Variants in PCID2 observed in about 807,000 individuals in gnomAD.
PCID2 encodes the protein PCI domain containing 2.
PCID2 carries 41 observed loss-of-function variants against 61.3 expected under a neutral mutation model. The observed-to-expected ratio is 0.67, with a 90% CI of 0.52 to 0.87. The LOEUF (loss-of-function observed/expected upper bound fraction) is 0.87, where lower values mean the gene tolerates loss of function less well. Among genes scored for constraint, PCID2 ranks in the 40% least tolerant of loss-of-function variants. The probability of loss-of-function intolerance (pLI) is 0.00; values close to 1 mark genes in which losing one functional copy is unlikely to be tolerated. For synonymous variants in PCID2, 187 were observed against 177.8 expected, an observed-to-expected ratio of 1.05 and a Z score of -0.41; for missense variants, 392 against 493.4, an observed-to-expected ratio of 0.79 and a Z score of 1.95.
intron 7 of PCID2, chr13:113,187,200 G>C (rs1326243166): frequency 6.6e-6 from 1 of 152,184 alleles, no homozygotes; most frequent in East Asian, 1.9e-4. Context: ...CGTAACTCAC[G>C]TAAAACGCTA....
At chr13:113,173,898 T>C (rs2037152213), downstream of PCID2, among the ~76,000 whole-genome samples, 1 of 152,134 alleles carries the variant, frequency 6.6e-6, no homozygotes, top group Non-Finnish European at 1.5e-5. Context: ...GTACTTCTAT[T>C]ACAAATTTGG....
chr13:113,198,132 C>A, intron 3 of PCID2, 59 bp downstream of exon 3: 1 of 1,122,554 alleles, frequency 8.9e-7, no homozygotes, highest in Admixed American at 2.2e-5. Context: ...AAGATAAAAT[C>A]CCCAGTTAAT....
At chr13:113,197,425 G>A (rs192217711) in intron 3 of PCID2, among the ~76,000 whole-genome samples, 182 bp from the exon 4 acceptor site, 4 of 152,342 alleles carry the variant, frequency 2.6e-5, no homozygotes, top group Admixed American at 2.6e-4. Flanking sequence ...AGTAAGCTTG[G>A]AGACTACTCT....
intron 9 of PCID2, chr13:113,183,730 T>C (rs940438553): frequency 8.1e-6 from 8 of 982,404 alleles, no homozygotes; most frequent in Non-Finnish European, 9.7e-6. Flanking sequence ...AATGATGCCG[T>C]GACAGCCGAT....
At position 113,195,022 on chromosome 13, in the gene PCID2, G is replaced by C. The variant is rs759838270; in HGVS notation, c.363+49C>G. ...ATGACATGAAATTAAACAACAGATA[G>C]TCACCAAGTTTTAGTTTTAAAATAA... On this transcript the variant is annotated intron_variant, in intron 6 of 13. Transcript: ENST00000337344. The C allele has an allele frequency of 4.0e-6, 5 of 1,263,996 alleles. No homozygotes were observed. In the African/African-American group the frequency reaches 4.4e-5, roughly 11 times the overall value. The allele number at this position is 1,263,996 out of a possible 1,614,324, so 78.3% of individuals were successfully genotyped here. A position where few individuals can be genotyped will look rare whatever the true frequency, so the allele number is the denominator to read the frequency against.
chr13:113,191,026 T>C, intron 6 of PCID2, 51 bp from the exon 7 acceptor site: 1 of 1,394,722 alleles, frequency 7.2e-7, no homozygotes, highest in South Asian at 1.2e-5. Flanking sequence ...AAGATCTTGC[T>C]GTGTCGTCCA....
At chr13:113,182,536 T>C (rs2037737614) in intron 9 of PCID2, among the ~76,000 whole-genome samples, 1 of 152,242 alleles carries the variant, frequency 6.6e-6, no homozygotes, top group Admixed American at 6.5e-5. Context: ...AGTCTTGCTC[T>C]GTCGCCAAGC....
intron 9 of PCID2, 102 bp downstream of exon 9, chr13:113,184,244 A>G: frequency 9.0e-7 from 1 of 1,110,076 alleles, no homozygotes; most frequent in Non-Finnish European, 1.3e-6. Context: ...CACATTTAAA[A>G]ATAAAATACA....
intron 5 of PCID2, 60 bp downstream of exon 5, chr13:113,196,121 A>G (rs937870233): frequency 1.7e-5 from 21 of 1,253,674 alleles, no homozygotes; most frequent in Middle Eastern, 1.9e-4. Flanking sequence ...GCAAATTTGT[A>G]AAAAGATTCT....
chr13:113,169,320 G>A, the PCID2 span, among the ~76,000 whole-genome samples: 1 of 152,154 alleles, frequency 6.6e-6, no homozygotes, highest in Non-Finnish European at 1.5e-5. Context: ...TTAAAAATAC[G>A]TATTTTTGTC....
intron 2 of PCID2, among the ~76,000 whole-genome samples, 200 bp from the exon 3 acceptor site, chr13:113,198,464 G>A (rs554497276): frequency 5.9e-5 from 9 of 152,216 alleles, no homozygotes; most frequent in Non-Finnish European, 1.0e-4. Flanking sequence ...CACTTTGGGA[G>A]GGCGAGGTGG....
chr13:113,190,105 T>C (rs2038480133), intron 7 of PCID2, among the ~76,000 whole-genome samples: 1 of 150,876 alleles, frequency 6.6e-6, no homozygotes, highest in African/African-American at 2.4e-5. Context: ...ACACATGCAG[T>C]TGAAATCCCA....
At chr13:113,194,374 A>G (rs1005358529) in intron 6 of PCID2, among the ~76,000 whole-genome samples, 1 of 151,914 alleles carries the variant, frequency 6.6e-6, no homozygotes, top group Non-Finnish European at 1.5e-5. Flanking sequence ...TCCAGGACAG[A>G]CAGGAGACAA....
chr13:113,175,634 A>G (rs2037173782), downstream of PCID2, among the ~76,000 whole-genome samples: 1 of 152,170 alleles, frequency 6.6e-6, no homozygotes, highest in Admixed American at 6.5e-5. Context: ...TGTCTGCCCC[A>G]CAGGACATAG....
chr13:113,170,566 T>C, the PCID2 span: 31 of 1,208,716 alleles, frequency 2.6e-5, no homozygotes, highest in South Asian at 4.8e-5. Flanking sequence ...TAAAACCACA[T>C]TGGAAATACA....
chr13:113,198,985 C>A (rs2039225295), intron 2 of PCID2, among the ~76,000 whole-genome samples: 1 of 152,210 alleles, frequency 6.6e-6, no homozygotes, highest in South Asian at 2.1e-4. Flanking sequence ...GACCACCAGT[C>A]TCATCTCCTG....
intron 2 of PCID2, among the ~76,000 whole-genome samples, chr13:113,199,265 G>A (rs1435602844): frequency 3.9e-5 from 6 of 152,162 alleles, no homozygotes; most frequent in Non-Finnish European, 8.8e-5. Context: ...ACAAGAGGTC[G>A]AGGAAGAAAG....
chr13:113,202,871 A>AT (rs1477849480), intron 1 of PCID2, among the ~76,000 whole-genome samples: 2 of 152,182 alleles, frequency 1.3e-5, no homozygotes, highest in South Asian at 2.1e-4. Context: ...AATAAAATAG[A>AT]AAGACAAACC....
At chr13:113,190,720 C>A in intron 7 of PCID2, 152 bp downstream of exon 7, 1 of 454,064 alleles carries the variant, frequency 2.2e-6, no homozygotes, top group Non-Finnish European at 3.9e-6. Context: ...AAACAATCAA[C>A]TTTTTAAAGC....
Sources: gnomAD v4.1 joint callset for allele counts (sites outside exome capture counted in the v4.1 genomes callset) on GRCh38, gnomAD v4.1.1 for gene constraint, MANE v1.5 for transcripts, NCBI Gene and HGNC (gene_info 2026-07-23, HGNC 2026-07-21) for gene names.